FBXL2: variants seen among roughly 807,000 people sequenced by gnomAD.
FBXL2 encodes F-box/LRR-repeat protein 2.
In FBXL2, 38 loss-of-function variants were observed where a neutral mutation model predicts 69.2. The ratio of observed to expected loss-of-function variants is 0.55; its 90% CI spans 0.42 to 0.72. The LOEUF (loss-of-function observed/expected upper bound fraction) is 0.72. Ranked by LOEUF, FBXL2 falls within the 30% of genes least tolerant of loss-of-function variation. The pLI is 0.00. For synonymous variants in FBXL2, 192 were observed against 201.3 expected (o/e 0.95, Z 0.39); for missense variants, 354 against 520.3 (o/e 0.68, Z 3.11).
At chr3:33,415,753 C>CAA in the FBXL2 span, among the ~76,000 whole-genome samples, 1 of 141,004 alleles carries the variant, frequency 7.1e-6, no homozygotes, top group African/African-American at 2.6e-5. Context: ...GATACATTAA[C>CAA]AAAAAAAAAA....
chr3:33,367,996 T>C (rs1338160740), intron 5 of FBXL2, among the ~76,000 whole-genome samples: 12 of 152,242 alleles, frequency 7.9e-5, no homozygotes. Context: ...TTATTTAGTT[T>C]CCAAATATTT....
At chr3:33,392,955 A>G (rs556686052), downstream of FBXL2, 2 of 317,972 alleles carry the variant, frequency 6.3e-6, no homozygotes, top group East Asian at 1.1e-4. Flanking sequence ...AAAATTATAT[A>G]TCTTACATGT....
chr3:33,321,899 A>G (rs937897018), intron 2 of FBXL2, among the ~76,000 whole-genome samples: 6 of 152,146 alleles, frequency 3.9e-5, no homozygotes, highest in Admixed American at 6.5e-5. Context: ...GTCATTATCC[A>G]GTGCATGACT....
the FBXL2 span, among the ~76,000 whole-genome samples, chr3:33,413,710 G>A: frequency 6.6e-6 from 1 of 152,094 alleles, no homozygotes; most frequent in African/African-American, 2.4e-5. Flanking sequence ...TTTTCTTTGA[G>A]ATAAAGAGTA....
chr3:33,336,575 T>C (rs1047926912), intron 2 of FBXL2, among the ~76,000 whole-genome samples: 21 of 152,220 alleles, frequency 1.4e-4, no homozygotes, highest in African/African-American at 4.6e-4. Flanking sequence ...CCATTTAAAA[T>C]AATTGATAAA....
downstream of FBXL2, chr3:33,388,333 A>C (rs1294480507): frequency 6.6e-6 from 1 of 152,600 alleles, no homozygotes; most frequent in Non-Finnish European, 1.5e-5. Context: ...AATGAGACAC[A>C]CATTTGCAAA....
intron 2 of FBXL2, among the ~76,000 whole-genome samples, chr3:33,320,350 A>G (rs1252258500): frequency 6.6e-6 from 1 of 152,210 alleles, no homozygotes; most frequent in Admixed American, 6.5e-5. Flanking sequence ...TATGGGGAAA[A>G]TAAAGAAATT....
At chr3:33,371,314 G>A (rs1025936169) in intron 5 of FBXL2, among the ~76,000 whole-genome samples, 1 of 150,634 alleles carries the variant, frequency 6.6e-6, no homozygotes. Flanking sequence ...ACAGGCATGT[G>A]CCACCATACC....
downstream of FBXL2, chr3:33,392,828 T>G (rs934065552): frequency 1.5e-5 from 7 of 471,130 alleles, no homozygotes; most frequent in Non-Finnish European, 2.2e-5. Context: ...AGAGACCTGG[T>G]CAGTCACCCA....
At chr3:33,285,878 T>G (rs1282646702) in intron 1 of FBXL2, among the ~76,000 whole-genome samples, 1 of 152,210 alleles carries the variant, frequency 6.6e-6, no homozygotes, top group African/African-American at 2.4e-5. Context: ...GCCATGGTTT[T>G]CAGCTCCATC....
intron 4 of FBXL2, among the ~76,000 whole-genome samples, chr3:33,361,602 C>T (rs2041633521): frequency 6.6e-6 from 1 of 152,210 alleles, no homozygotes; most frequent in Non-Finnish European, 1.5e-5. Flanking sequence ...TTTTAGCTGA[C>T]TGCTGACTTT....
chr3:33,324,507 A>G (rs2038518531), intron 2 of FBXL2, among the ~76,000 whole-genome samples: 1 of 152,204 alleles, frequency 6.6e-6, no homozygotes, highest in East Asian at 1.9e-4. Flanking sequence ...GTCCAGTTTC[A>G]GTTTTCTGCA....
upstream of FBXL2, chr3:33,277,177 G>GT (rs780593890): frequency 1.5e-4 from 43 of 283,968 alleles, no homozygotes; most frequent in Non-Finnish European, 2.0e-4. Flanking sequence ...CCTGTATAAC[G>GT]TTTTTTTTAA....
chr3:33,342,711 C>CTTTTTT (rs71070130), intron 2 of FBXL2, among the ~76,000 whole-genome samples: 1,475 of 37,948 alleles, frequency 0.039, 530 homozygotes, highest in East Asian at 0.059. Flanking sequence ...AATATAACTT[C>CTTTTTT]TTTTTTTTTT....
intron 1 of FBXL2, among the ~76,000 whole-genome samples, chr3:33,280,724 A>G (rs2033892362): frequency 6.6e-6 from 1 of 151,628 alleles, no homozygotes; most frequent in Non-Finnish European, 1.5e-5. Context: ...AAAAAAAAAA[A>G]AAAAAAAAAG....
intron 2 of FBXL2, among the ~76,000 whole-genome samples, chr3:33,326,618 A>T (rs1010583423): frequency 6.6e-6 from 1 of 152,200 alleles, no homozygotes; most frequent in African/African-American, 2.4e-5. Context: ...ACTTTTGCTT[A>T]AAGAACACAT....
At chr3:33,362,683 AC>A (rs1253880435) in intron 4 of FBXL2, among the ~76,000 whole-genome samples, 2 of 152,212 alleles carry the variant, frequency 1.3e-5, no homozygotes, top group Non-Finnish European at 2.9e-5. Context: ...CACATTGTGC[AC>A]ATGTACCCTA....
intron 2 of FBXL2, among the ~76,000 whole-genome samples, chr3:33,298,123 A>G (rs554603816): frequency 6.6e-6 from 1 of 152,346 alleles, no homozygotes; most frequent in African/African-American, 2.4e-5. Context: ...AATAAATGCA[A>G]AAAATAAGCA....
chr3:33,375,559 T>C (rs2042582306), intron 10 of FBXL2, 141 bp downstream of exon 10: 2 of 903,274 alleles, frequency 2.2e-6, no homozygotes, highest in Admixed American at 2.5e-5. Context: ...GTTGGGTAAA[T>C]TGGGGTGGGG....
Sources: gnomAD v4.1 joint callset for allele counts (sites outside exome capture counted in the v4.1 genomes callset) on GRCh38, gnomAD v4.1.1 for gene constraint, MANE v1.5 for transcripts, NCBI Gene and HGNC (gene_info 2026-07-23, HGNC 2026-07-21) for gene names.